The following KCNH7 variants were observed in gnomAD, a reference collection of about 807,000 sequenced individuals.
KCNH7 encodes the protein potassium voltage-gated channel subfamily H member 7, also known as voltage-gated inwardly rectifying potassium channel KCNH7.
A neutral mutation model predicts 120.8 loss-of-function variants in KCNH7; 49 were observed. The ratio of observed to expected loss-of-function variants is 0.41; its 90% confidence interval spans 0.32 to 0.51. The LOEUF (loss-of-function observed/expected upper bound fraction) is 0.51. KCNH7 is among the 20% of genes least tolerant of loss of function. The pLI, the probability that KCNH7 is intolerant of heterozygous loss-of-function variation, is 0.38. For missense variants in KCNH7, 1,097 were observed against 1,446.6 expected (o/e 0.76, Z 3.92); for synonymous variants, 547 against 516.1 (o/e 1.06, Z -0.81).
At chr2:162,528,220 A>C (rs1244573646) in intron 3 of KCNH7, 3 of 152,030 alleles carry the variant, frequency 2.0e-5, no homozygotes, top group Admixed American at 2.0e-4. Flanking sequence ...GAAGAAAATA[A>C]AATGTCCCTG....
Position 162,384,876 on chromosome 2 carries a change from C to T in KCNH7, c.2774G>A (p.Arg925Lys). 6.2e-7 allele frequency: 1 copy of T among 1,612,334 alleles called. No individual in the cohort carries two copies. The highest frequency in any genetic ancestry group is 8.5e-7 in the Non-Finnish European group (1 of 1,178,750). The change falls in exon 13 of 16, where the codon AGA becomes AAA. Residue 925 changes from arginine to lysine, a missense_variant. By Grantham distance (26) the Arg-to-Lys change is conservative (BLOSUM62 2). Transcript: ENST00000332142. ...TCTGCTTTTTTTCTCTTCAAAGTGT[C>T]TCTTGGAACTCTGATAATGTCTTAT... ...DTIRHYQSSKRHFEEKKSRSS... is the reference protein window; with the variant it reads ...DTIRHYQSSKKHFEEKKSRSS...
chr2:162,789,982 A>G (rs1245487006), intron 2 of KCNH7, among the ~76,000 whole-genome samples: 1 of 151,918 alleles, frequency 6.6e-6, no homozygotes, highest in Non-Finnish European at 1.5e-5. Flanking sequence ...ACAGAAAAAA[A>G]TCAAACTATA....
chr2:162,629,239 A>G (rs1000981772), intron 2 of KCNH7, among the ~76,000 whole-genome samples: 2 of 152,098 alleles, frequency 1.3e-5, no homozygotes, highest in Non-Finnish European at 2.9e-5. Flanking sequence ...CTGGCATAGC[A>G]GACTATGATT....
intron 2 of KCNH7, among the ~76,000 whole-genome samples, chr2:162,601,063 A>T (rs1694534864): frequency 6.6e-6 from 1 of 152,102 alleles, no homozygotes; most frequent in African/African-American, 2.4e-5. Flanking sequence ...GGAAAGGGGA[A>T]AAAAGGGTAA....
At chr2:162,614,903 T>A (rs890391294) in intron 2 of KCNH7, among the ~76,000 whole-genome samples, 1 of 152,008 alleles carries the variant, frequency 6.6e-6, no homozygotes, top group Admixed American at 6.6e-5. Flanking sequence ...TTATATTCAT[T>A]ATATCATTTT....
chr2:162,394,918 C>T (rs550407806), intron 11 of KCNH7, among the ~76,000 whole-genome samples: 5 of 151,710 alleles, frequency 3.3e-5, no homozygotes, highest in Non-Finnish European at 7.4e-5. Context: ...ACAGCAAGAC[C>T]AACCATTCCT....
intron 2 of KCNH7, among the ~76,000 whole-genome samples, chr2:162,809,315 A>C (rs565601025): frequency 6.6e-6 from 1 of 152,324 alleles, no homozygotes; most frequent in East Asian, 1.9e-4. Context: ...GTCTGTTAAC[A>C]TTCTTCAGCT....
chr2:162,476,728 G>T (rs895506286), intron 6 of KCNH7, among the ~76,000 whole-genome samples: 3 of 152,046 alleles, frequency 2.0e-5, no homozygotes, highest in African/African-American at 4.8e-5. Context: ...AATAATAATG[G>T]CAGAAAACAT....
At chr2:162,661,289 C>T (rs1684951008) in intron 2 of KCNH7, among the ~76,000 whole-genome samples, 1 of 152,010 alleles carries the variant, frequency 6.6e-6, no homozygotes, top group African/African-American at 2.4e-5. Context: ...GTTACCAAAA[C>T]AGTTCATTCC....
chr2:162,641,823 G>T (rs1015036192), intron 2 of KCNH7, among the ~76,000 whole-genome samples: 13 of 152,216 alleles, frequency 8.5e-5, no homozygotes, highest in Admixed American at 5.9e-4. Flanking sequence ...GTGGAAATGG[G>T]ATCTCTCTAC....
intron 2 of KCNH7, among the ~76,000 whole-genome samples, chr2:162,705,043 T>C (rs1686647011): frequency 6.6e-6 from 1 of 152,188 alleles, no homozygotes; most frequent in African/African-American, 2.4e-5. Flanking sequence ...TTCATGTCTA[T>C]TATCTTACAT....
chr2:162,603,731 C>CT (rs144717697), intron 2 of KCNH7, among the ~76,000 whole-genome samples: 6,525 of 151,468 alleles, frequency 0.043, 184 homozygotes, highest in Non-Finnish European at 0.067. Context: ...CTTTAAACTA[C>CT]TTTTTTTTTC....
chr2:162,734,294 T>C (rs533109179), intron 2 of KCNH7, among the ~76,000 whole-genome samples: 1 of 152,184 alleles, frequency 6.6e-6, no homozygotes, highest in Non-Finnish European at 1.5e-5. Flanking sequence ...TCTCTTTTTT[T>C]ATAATGCTGC....
intron 2 of KCNH7, among the ~76,000 whole-genome samples, chr2:162,639,619 T>G (rs967621500): frequency 6.6e-6 from 1 of 152,114 alleles, no homozygotes; most frequent in African/African-American, 2.4e-5. Context: ...AAAATTACAA[T>G]ATCAGAGAGT....
At chr2:162,459,607 G>T (rs1689083291) in intron 6 of KCNH7, among the ~76,000 whole-genome samples, 1 of 152,120 alleles carries the variant, frequency 6.6e-6, no homozygotes, top group South Asian at 2.1e-4. Context: ...AGGTCTTTCA[G>T]TGTAATGGGA....
chr2:162,478,387 C>G (rs1274089478), intron 6 of KCNH7, among the ~76,000 whole-genome samples: 1 of 152,060 alleles, frequency 6.6e-6, no homozygotes, highest in African/African-American at 2.4e-5. Context: ...CAGGGGGCAC[C>G]ATGTATTACC....
chr2:162,376,503 T>C (rs1036974861), intron 14 of KCNH7, among the ~76,000 whole-genome samples: 1 of 151,998 alleles, frequency 6.6e-6, no homozygotes, highest in African/African-American at 2.4e-5. Flanking sequence ...TAGCTGGCAT[T>C]ACAGGCGCCC....
At chr2:162,591,106 C>A (rs79968855) in intron 2 of KCNH7, among the ~76,000 whole-genome samples, 13 of 152,082 alleles carry the variant, frequency 8.5e-5, no homozygotes, top group African/African-American at 3.1e-4. Context: ...CCCTCTCCAC[C>A]TGTAAGGCTC....
intron 2 of KCNH7, among the ~76,000 whole-genome samples, chr2:162,646,689 G>A (rs1684370142): frequency 6.6e-6 from 1 of 152,194 alleles, no homozygotes; most frequent in African/African-American, 2.4e-5. Context: ...GGGACCATAA[G>A]AGAAGAAATG....
Sources: allele counts gnomAD v4.1 joint callset (sites outside exome capture counted in the v4.1 genomes callset), GRCh38; gene constraint gnomAD v4.1.1; transcripts MANE v1.5; gene names NCBI Gene and HGNC (gene_info 2026-07-23, HGNC 2026-07-21).